The following NBEA variants were observed in gnomAD, a reference collection of about 807,000 sequenced individuals.
NBEA encodes the protein lysosomal-trafficking regulator 2.
Under a neutral mutation model 343.4 loss-of-function variants are expected in NBEA, and 44 were observed. The ratio of observed to expected loss-of-function variants is 0.13; its 90% confidence interval spans 0.10 to 0.16. The LOEUF (loss-of-function observed/expected upper bound fraction) is 0.16, where lower values mean the gene tolerates loss of function less well. NBEA is among the 10% of genes least tolerant of loss of function. NBEA has a pLI of 1.00. For missense variants in NBEA, 2,555 were observed against 3,631.3 expected (o/e 0.70, Z 7.62); for synonymous variants, 1,175 against 1,238.7 (o/e 0.95, Z 1.08).
intron 36 of NBEA, among the ~76,000 whole-genome samples, chr13:35,347,959 A>G (rs1457490225): frequency 6.6e-6 from 1 of 152,078 alleles, no homozygotes; most frequent in African/African-American, 2.4e-5. Flanking sequence ...CAGAAGAGAG[A>G]GTTCAAAAAA....
At chr13:35,108,331 T>C (rs540721474) in intron 11 of NBEA, among the ~76,000 whole-genome samples, 51 of 152,186 alleles carry the variant, frequency 3.4e-4, no homozygotes, top group Admixed American at 3.3e-3. Context: ...GTTTGAATTA[T>C]CAGCTTTTAT....
At chr13:35,258,812 G>A (rs748253318) in intron 34 of NBEA, among the ~76,000 whole-genome samples, 2 of 151,970 alleles carry the variant, frequency 1.3e-5, no homozygotes, top group Non-Finnish European at 1.5e-5. Context: ...GTGCAAAAAC[G>A]GTATGTATTC....
chr13:35,482,828 A>G (rs920461771), intron 41 of NBEA, among the ~76,000 whole-genome samples: 47 of 152,030 alleles, frequency 3.1e-4, no homozygotes, highest in Middle Eastern at 6.8e-3. Context: ...ATACCATCAT[A>G]GAAGCTCTAC....
intron 24 of NBEA, chr13:35,165,217 A>G (rs570706219): frequency 2.1e-6 from 1 of 474,654 alleles, no homozygotes; most frequent in East Asian, 5.9e-5. Context: ...GTTGATCTCT[A>G]AGTGTATTTC....
At chr13:35,229,915 G>A (rs963512674) in intron 33 of NBEA, among the ~76,000 whole-genome samples, 2 of 152,016 alleles carry the variant, frequency 1.3e-5, no homozygotes, top group African/African-American at 4.8e-5. Flanking sequence ...TGAAAAATGA[G>A]GATGAAGTTT....
intron 38 of NBEA, among the ~76,000 whole-genome samples, chr13:35,418,825 T>G (rs1362286538): frequency 6.6e-6 from 1 of 152,046 alleles, no homozygotes; most frequent in African/African-American, 2.4e-5. Flanking sequence ...ACTCTATGTT[T>G]TAGTTCGTTG....
intron 39 of NBEA, among the ~76,000 whole-genome samples, chr13:35,445,356 T>C (rs967467838): frequency 6.6e-6 from 1 of 152,172 alleles, no homozygotes; most frequent in Non-Finnish European, 1.5e-5. Flanking sequence ...AAGCTTACTA[T>C]GTAAATAATC....
intron 10 of NBEA, among the ~76,000 whole-genome samples, chr13:35,072,210 G>A (rs750210399): frequency 6.6e-6 from 1 of 152,014 alleles, no homozygotes; most frequent in African/African-American, 2.4e-5. Flanking sequence ...AGATGAAGTA[G>A]CCACTAGAAA....
chr13:35,282,990 G>T (rs903435908), intron 34 of NBEA, among the ~76,000 whole-genome samples: 1 of 152,048 alleles, frequency 6.6e-6, no homozygotes, highest in Non-Finnish European at 1.5e-5. Flanking sequence ...TAAAGTTGGG[G>T]CAGTGTTTCA....
chr13:35,649,929 T>C (rs1297682167), intron 52 of NBEA, 82 bp downstream of exon 52: 25 of 958,976 alleles, frequency 2.6e-5, no homozygotes, highest in Non-Finnish European at 3.7e-5. Flanking sequence ...GGACTGGGAT[T>C]AGCTCATATC....
chr13:35,448,953 G>A (rs1225993688), intron 39 of NBEA, among the ~76,000 whole-genome samples: 1 of 152,220 alleles, frequency 6.6e-6, no homozygotes, highest in African/African-American at 2.4e-5. Flanking sequence ...ACTGAAGGAA[G>A]TGAGTTTTTA....
chr13:35,454,799 G>A (rs555885146), intron 40 of NBEA, among the ~76,000 whole-genome samples: 13 of 152,192 alleles, frequency 8.5e-5, no homozygotes, highest in East Asian at 1.9e-4. Flanking sequence ...GGCAGAGCTC[G>A]CAGTGAGCCA....
At chr13:35,001,170 A>G (rs946680890) in intron 1 of NBEA, among the ~76,000 whole-genome samples, 2 of 152,162 alleles carry the variant, frequency 1.3e-5, no homozygotes, top group African/African-American at 4.8e-5. Flanking sequence ...GAAGGAAGAA[A>G]CAAATGCTGG....
At chr13:35,530,772 T>C (rs1337402541) in intron 41 of NBEA, among the ~76,000 whole-genome samples, 1 of 152,224 alleles carries the variant, frequency 6.6e-6, no homozygotes, top group African/African-American at 2.4e-5. Flanking sequence ...ATCTTGGGAC[T>C]TGTGATAAGC....
Position 35,196,113 on chromosome 13 carries a change from T to C in NBEA, c.5177T>C (p.Leu1726Ser). The change falls in exon 31 of 59, where the codon TTG becomes TCG. Residue 1726 changes from leucine (L) to serine (S), a missense_variant. By Grantham distance (145) the Leu-to-Ser change is moderately radical. Transcript: ENST00000379939. ...ESLTENPSETLKPATSISSIS... is the reference protein window; with the variant it reads ...ESLTENPSETSKPATSISSIS... ...TTAACTGAAAATCCTAGTGAAACGTTGAAGCCTGCAACATCCATATCTAGC... is the reference window on the plus strand; with the variant it reads ...TTAACTGAAAATCCTAGTGAAACGTCGAAGCCTGCAACATCCATATCTAGC... 1 of 1,613,732 alleles carries C rather than the reference T, an allele frequency of 6.2e-7. No homozygotes were observed. The highest frequency in any genetic ancestry group is 8.5e-7 in the Non-Finnish European group (1 of 1,179,762).
chr13:35,532,965 A>G (rs1411603675), intron 41 of NBEA, among the ~76,000 whole-genome samples: 1 of 152,140 alleles, frequency 6.6e-6, no homozygotes, highest in Non-Finnish European at 1.5e-5. Context: ...GATCTGGTAC[A>G]TATTTCATCT....
At chr13:35,098,256 C>T (rs990972793) in intron 10 of NBEA, 41 bp from the exon 11 acceptor site, 1 of 1,343,912 alleles carries the variant, frequency 7.4e-7, no homozygotes, top group African/African-American at 1.5e-5. Flanking sequence ...TTATAATAAA[C>T]ATGTGATGAT....
chr13:35,565,925 T>G (rs1298070178), intron 44 of NBEA, among the ~76,000 whole-genome samples: 2 of 152,236 alleles, frequency 1.3e-5, no homozygotes, highest in Non-Finnish European at 2.9e-5. Flanking sequence ...AATGTATGAT[T>G]GACATCTGCC....
intron 5 of NBEA, among the ~76,000 whole-genome samples, chr13:35,049,745 A>G (rs2062998272): frequency 6.6e-6 from 1 of 151,888 alleles, no homozygotes; most frequent in Non-Finnish European, 1.5e-5. Flanking sequence ...TGTAGAAGAA[A>G]ACAACTATAT....
Sources: gnomAD v4.1 joint callset for allele counts (sites outside exome capture counted in the v4.1 genomes callset) on GRCh38, gnomAD v4.1.1 for gene constraint, MANE v1.5 for transcripts, NCBI Gene and HGNC (gene_info 2026-07-23, HGNC 2026-07-21) for gene names.